The following GKAP1 variants were observed in gnomAD, a reference collection of about 807,000 sequenced individuals.
The protein encoded by GKAP1 is G kinase-anchoring protein 1.
A neutral mutation model predicts 56.7 loss-of-function variants in GKAP1; 31 were observed. The ratio of observed to expected loss-of-function variants is 0.55; its 90% confidence interval spans 0.41 to 0.74. The LOEUF is 0.74. GKAP1 is among the 30% of genes least tolerant of loss of function. The pLI, the probability that GKAP1 is intolerant of heterozygous loss-of-function variation, is 0.00. For missense variants in GKAP1, 364 were observed against 402.3 expected (o/e 0.90, Z 0.82); for synonymous variants, 151 against 138.6 (o/e 1.09, Z -0.63).
chr9:83,748,190 A>C, intron 10 of GKAP1, 119 bp downstream of exon 10: 2 of 596,550 alleles, frequency 3.4e-6, no homozygotes, highest in Non-Finnish European at 5.9e-6. Flanking sequence ...TGTTAACTAT[A>C]GTCACCCTAT....
At chr9:83,757,954 T>C (rs775835170) in intron 8 of GKAP1, among the ~76,000 whole-genome samples, 1 of 151,980 alleles carries the variant, frequency 6.6e-6, no homozygotes, top group Non-Finnish European at 1.5e-5. Flanking sequence ...ATGATGAGCC[T>C]GGGTTTGAAC....
intron 10 of GKAP1, among the ~76,000 whole-genome samples, chr9:83,745,839 G>A (rs1237069053): frequency 6.6e-6 from 1 of 151,168 alleles, no homozygotes; most frequent in East Asian, 1.9e-4. Flanking sequence ...CAGCCAGGAT[G>A]GAGTGCAGTG....
chr9:83,776,882 T>C (rs1943871918), intron 7 of GKAP1, among the ~76,000 whole-genome samples: 1 of 151,836 alleles, frequency 6.6e-6, no homozygotes, highest in Non-Finnish European at 1.5e-5. Flanking sequence ...GTGAATAAAT[T>C]ATTTGTCCAC....
chr9:83,796,339 T>A (rs542370727), intron 4 of GKAP1, among the ~76,000 whole-genome samples: 1 of 152,350 alleles, frequency 6.6e-6, no homozygotes, highest in East Asian at 1.9e-4. Context: ...GTCAATTTTA[T>A]CAGCAAAACT....
At chr9:83,746,573 G>A (rs1266992641) in intron 10 of GKAP1, among the ~76,000 whole-genome samples, 1 of 152,074 alleles carries the variant, frequency 6.6e-6, no homozygotes, top group Non-Finnish European at 1.5e-5. Flanking sequence ...CGTGGTAGCA[G>A]GCGCCTGTAG....
intron 2 of GKAP1, 105 bp downstream of exon 2, chr9:83,816,891 A>C (rs1944613817): frequency 6.6e-6 from 1 of 152,192 alleles, no homozygotes; most frequent in African/African-American, 2.4e-5. Context: ...GATCTGACAA[A>C]AATTCGGTAA....
At chr9:83,741,155 C>T (rs1943200107) in intron 12 of GKAP1, among the ~76,000 whole-genome samples, 1 of 152,038 alleles carries the variant, frequency 6.6e-6, no homozygotes, top group South Asian at 2.1e-4. Context: ...TCCAAAACAA[C>T]AAACACACAA....
chr9:83,750,657 T>C (rs528478962), intron 9 of GKAP1, among the ~76,000 whole-genome samples: 1 of 152,356 alleles, frequency 6.6e-6, no homozygotes, highest in African/African-American at 2.4e-5. Context: ...CCTCAAATCT[T>C]ACCTCCTCCC....
At chr9:83,807,595 T>C (rs771232238) in intron 2 of GKAP1, among the ~76,000 whole-genome samples, 12 of 152,214 alleles carry the variant, frequency 7.9e-5, no homozygotes, top group Non-Finnish European at 1.5e-4. Flanking sequence ...TTCTCTCCAA[T>C]TGCATTCCCC....
intron 5 of GKAP1, among the ~76,000 whole-genome samples, chr9:83,787,409 A>C (rs1301183631): frequency 6.6e-6 from 1 of 151,606 alleles, no homozygotes; most frequent in African/African-American, 2.4e-5. Flanking sequence ...GCTAATTAAA[A>C]AAAAATTTTT....
intron 7 of GKAP1, among the ~76,000 whole-genome samples, chr9:83,776,402 CAAAAT>C (rs939110789): frequency 1.3e-5 from 2 of 151,930 alleles, no homozygotes; most frequent in Non-Finnish European, 2.9e-5. Flanking sequence ...AGAAAAGAAA[CAAAAT>C]AAAAAATTTA....
intron 3 of GKAP1, among the ~76,000 whole-genome samples, chr9:83,801,830 T>C (rs922658453): frequency 3.9e-5 from 6 of 152,238 alleles, no homozygotes; most frequent in African/African-American, 1.4e-4. Context: ...AAGATCTGAC[T>C]TCTGAAAGGT....
intron 10 of GKAP1, among the ~76,000 whole-genome samples, chr9:83,746,073 G>A (rs991187389): frequency 6.6e-6 from 1 of 152,148 alleles, no homozygotes; most frequent in African/African-American, 2.4e-5. Context: ...TTATAGGCAT[G>A]AGCCACTGCG....
At chr9:83,783,981 G>A (rs937530590) in intron 6 of GKAP1, among the ~76,000 whole-genome samples, 4 of 151,774 alleles carry the variant, frequency 2.6e-5, no homozygotes, top group Admixed American at 1.3e-4. Context: ...AAATTTAATC[G>A]CTACCAGGTG....
chr9:83,792,880 G>C, intron 4 of GKAP1: 1 of 338,914 alleles, frequency 3.0e-6, no homozygotes, highest in Non-Finnish European at 4.4e-6. Context: ...ATTTATGGGA[G>C]TAGGAGGAAA....
intron 3 of GKAP1, among the ~76,000 whole-genome samples, chr9:83,802,483 GAAA>G (rs201998640): frequency 3.5e-5 from 2 of 57,176 alleles, no homozygotes; most frequent in Non-Finnish European, 3.8e-5. Context: ...CTCCATCTCA[GAAA>G]AAAAAAAAAA....
At chr9:83,765,907 T>A (rs1366696515) in intron 8 of GKAP1, among the ~76,000 whole-genome samples, 1 of 152,212 alleles carries the variant, frequency 6.6e-6, no homozygotes, top group Admixed American at 6.5e-5. Flanking sequence ...TCTGGGTTAA[T>A]CGTGGAATGA....
chr9:83,817,234 G>A (rs982650612), intron 1 of GKAP1, 107 bp from the exon 2 acceptor site: 2 of 151,886 alleles, frequency 1.3e-5, no homozygotes, highest in African/African-American at 4.8e-5. Flanking sequence ...GGTGGCACCT[G>A]TCACTCGAGC....
chr9:83,759,335 T>C (rs1943530904), intron 8 of GKAP1, among the ~76,000 whole-genome samples: 1 of 152,138 alleles, frequency 6.6e-6, no homozygotes, highest in Admixed American at 6.6e-5. Flanking sequence ...ATCACAGCTC[T>C]ATGCAGCCTT....
Sources: allele counts gnomAD v4.1 joint callset (sites outside exome capture counted in the v4.1 genomes callset), GRCh38; gene constraint gnomAD v4.1.1; transcripts MANE v1.5; gene names NCBI Gene and HGNC (gene_info 2026-07-23, HGNC 2026-07-21).